The following MCTP2 variants were observed in gnomAD, a reference collection of about 807,000 sequenced individuals.
MCTP2 encodes multiple C2 and transmembrane domain containing 2.
Under a neutral mutation model 111.6 loss-of-function variants are expected in MCTP2, and 132 were observed. That is an observed-to-expected ratio of 1.18 (90% CI 1.03 to 1.37). MCTP2 has a LOEUF of 1.37. Among genes scored for constraint, MCTP2 ranks in the 40% most tolerant of loss-of-function variants. The pLI, the probability that MCTP2 is intolerant of heterozygous loss-of-function variation, is 0.00. For synonymous variants in MCTP2, 395 were observed against 387.7 expected (o/e 1.02, Z -0.22); for missense variants, 1,183 against 1,067.9 (o/e 1.11, Z -1.50).
At position 94,470,007 on chromosome 15, in the gene MCTP2, C is replaced by G. The variant is rs867519742; in HGVS notation, c.2361-326C>G. Among the ~76,000 whole-genome samples, 5 of 152,274 alleles carry G rather than the reference C, an allele frequency of 3.3e-5. No homozygotes were observed. The Middle Eastern group carries it at 0.017, about 518-fold the overall frequency. On this transcript the variant is annotated intron_variant, in intron 20 of 22. Coordinates refer to ENST00000357742, the MANE Select transcript of MCTP2 (RefSeq NM_001385001.1). Reference sequence around the variant, plus strand: ...ACCTAACCCTTAGTTTTGAAGATCTCCATGCATAGCCATCGTGGCAACATT... The same window carrying G: ...ACCTAACCCTTAGTTTTGAAGATCTGCATGCATAGCCATCGTGGCAACATT...
intron 4 of MCTP2, among the ~76,000 whole-genome samples, chr15:94,322,933 C>T (rs2076693646): frequency 6.6e-6 from 1 of 152,138 alleles, no homozygotes; most frequent in African/African-American, 2.4e-5. Context: ...GGTGACTTTG[C>T]CCACGAGGAA....
In MCTP2 at chr15:94,423,902, A is replaced by G. The variant is rs189756251; in HGVS notation, c.2086-16274A>G. Among the ~76,000 whole-genome samples, 39 of 152,354 alleles carry G rather than the reference A, an allele frequency of 2.6e-4. 2 individuals carry two copies. The highest frequency in any genetic ancestry group is 2.1e-3 in the Admixed American group (32 of 15,296). On this transcript the variant is annotated intron_variant, in intron 17 of 22. Coordinates refer to ENST00000357742, the MANE Select transcript of MCTP2 (RefSeq NM_001385001.1). ...CATATATGCAGTTTAAAGAATGATGATAAGGTGAAACATCTGTGTACCTAC... is the reference window on the plus strand; with the variant it reads ...CATATATGCAGTTTAAAGAATGATGGTAAGGTGAAACATCTGTGTACCTAC...
chr15:94,374,769 A>C (rs529417614), intron 12 of MCTP2, among the ~76,000 whole-genome samples: 1 of 152,142 alleles, frequency 6.6e-6, no homozygotes, highest in East Asian at 1.9e-4. Context: ...CCCACTCAGA[A>C]TCCTACATAA....
At chr15:94,403,296 C>A in intron 17 of MCTP2, 1 of 965,814 alleles carries the variant, frequency 1.0e-6, no homozygotes, top group Non-Finnish European at 1.2e-6. Flanking sequence ...TGTTTATCCA[C>A]TTCCCTTTCT....
intron 21 of MCTP2, among the ~76,000 whole-genome samples, chr15:94,470,890 A>G (rs1221646925): frequency 6.6e-6 from 1 of 152,066 alleles, no homozygotes; most frequent in African/African-American, 2.4e-5. Context: ...ACCTAACCCC[A>G]TTCTTAAATC....
At position 94,481,899 on chromosome 15, in the gene MCTP2, G is replaced by A. The variant is rs1226641846; in HGVS notation, c.*2865G>A. 6.6e-6 allele frequency: 1 copy of A among 152,188 alleles called. No individual in the cohort carries two copies. The highest frequency in any genetic ancestry group is 2.4e-5 in the African/African-American group (1 of 41,442). 9.4% of individuals were successfully genotyped at this position (152,188 alleles called of 1,614,324 possible). On this transcript the variant is annotated 3_prime_UTR_variant, in exon 23 of 23. Transcript: ENST00000357742. ...AGGGCTGGATTGGATAGATTAGTAT[G>A]ATCTATCCTGGAGATTCATTTCTTG...
chr15:94,356,137 T>G lies in MCTP2; in HGVS notation c.1006T>G (p.Ser336Ala). The G allele has an allele frequency of 6.3e-7, 1 of 1,580,538 alleles. No homozygotes were observed. The highest frequency in any genetic ancestry group is 8.6e-7 in the Non-Finnish European group (1 of 1,164,040). ...ATGTCATCTTTATTTTTTGCTTTAG[T>G]CCTCTTTGATACGCAACCTACGGCT... ...SNRKRLSASK[S>A]SLIRNLRLSE... The change falls in exon 9 of 23, where the codon TCC (serine) becomes GCC (alanine). Residue 336 changes from serine to alanine, a missense_variant and splice_region_variant. Transcript: ENST00000357742.
chr15:94,428,968 A>G (rs889311248), intron 17 of MCTP2, among the ~76,000 whole-genome samples: 11 of 152,004 alleles, frequency 7.2e-5, no homozygotes, highest in Non-Finnish European at 2.9e-5. Flanking sequence ...ATTGTATTAC[A>G]CTTCTATAAT....
chr15:94,483,395 C>T lies in MCTP2; in HGVS notation c.*4361C>T, dbSNP rs1310145452. On this transcript the variant is annotated 3_prime_UTR_variant, in exon 23 of 23. Coordinates refer to ENST00000357742, the MANE Select transcript of MCTP2 (RefSeq NM_001385001.1). ...TATAAATTGTTCTACTATAAAAACA[C>T]ATGCACACACATGTTCACTGCAACA... 1 of 152,190 alleles carries T rather than the reference C, an allele frequency of 6.6e-6. No individual in the cohort carries two copies. Among genetic ancestry groups the T allele is most frequent in the Non-Finnish European group, 1.5e-5 (1 of 68,042 alleles). 9.4% of individuals were successfully genotyped at this position (152,190 alleles called of 1,614,324 possible).
chr15:94,234,816 T>C (rs1470383534), intron 1 of MCTP2, among the ~76,000 whole-genome samples: 1 of 152,150 alleles, frequency 6.6e-6, no homozygotes, highest in African/African-American at 2.4e-5. Context: ...TGGAGCTGAT[T>C]TCATTGATCA....
intron 1 of MCTP2, among the ~76,000 whole-genome samples, chr15:94,281,118 C>A (rs1041626590): frequency 6.6e-6 from 1 of 152,088 alleles, no homozygotes; most frequent in African/African-American, 2.4e-5. Flanking sequence ...TCTCAAATAT[C>A]TTTCTTAGTT....
intron 4 of MCTP2, among the ~76,000 whole-genome samples, chr15:94,324,240 G>A (rs1014249513): frequency 2.6e-5 from 4 of 152,224 alleles, no homozygotes; most frequent in African/African-American, 9.6e-5. Context: ...ATATGGGCAG[G>A]TCTCTCGTCC....
chr15:94,239,100 A>G (rs2070760577), intron 1 of MCTP2, among the ~76,000 whole-genome samples: 1 of 152,146 alleles, frequency 6.6e-6, no homozygotes, highest in Admixed American at 6.5e-5. Flanking sequence ...TGATTGGGTA[A>G]TGCTTACTTT....
chr15:94,373,852 C>T (rs545148717), intron 12 of MCTP2, among the ~76,000 whole-genome samples: 1 of 152,148 alleles, frequency 6.6e-6, no homozygotes, highest in East Asian at 1.9e-4. Context: ...GTGATGCAGC[C>T]TGATGTCATT....
intron 10 of MCTP2, among the ~76,000 whole-genome samples, chr15:94,365,573 C>T (rs1443511630): frequency 2.6e-5 from 4 of 152,210 alleles, no homozygotes; most frequent in Non-Finnish European, 4.4e-5. Flanking sequence ...GGAAAATTTT[C>T]ACAGTTATTC....
intron 20 of MCTP2, 55 bp from the exon 21 acceptor site, chr15:94,470,278 T>A (rs1183148650): frequency 3.3e-6 from 4 of 1,209,732 alleles, no homozygotes; most frequent in Non-Finnish European, 4.9e-6. Flanking sequence ...ACAAGTTGAC[T>A]CTGTGGCAGT....
intron 8 of MCTP2, 126 bp downstream of exon 8, chr15:94,345,290 C>A: frequency 2.1e-6 from 2 of 944,178 alleles, no homozygotes; most frequent in South Asian, 1.5e-5. Flanking sequence ...CCTCTTACTG[C>A]TGTTACGAAT....
At chr15:94,283,670 C>G (rs1434382208) in intron 1 of MCTP2, among the ~76,000 whole-genome samples, 3 of 152,146 alleles carry the variant, frequency 2.0e-5, no homozygotes, top group African/African-American at 7.2e-5. Flanking sequence ...CTACATCCTC[C>G]CTCTGTCCCC....
intron 12 of MCTP2, among the ~76,000 whole-genome samples, chr15:94,380,401 T>G (rs2080065939): frequency 6.6e-6 from 1 of 152,158 alleles, no homozygotes; most frequent in African/African-American, 2.4e-5. Flanking sequence ...TGCAGATAAT[T>G]GCTTAGGTGG....
Sources: allele counts gnomAD v4.1 joint callset (sites outside exome capture counted in the v4.1 genomes callset), GRCh38; gene constraint gnomAD v4.1.1; transcripts MANE v1.5; gene names NCBI Gene and HGNC (gene_info 2026-07-23, HGNC 2026-07-21).